The following MITD1 variants were observed in gnomAD, a reference collection of about 807,000 sequenced individuals.
MITD1 encodes microtubule interacting and trafficking domain containing 1.
A neutral mutation model predicts 34.9 loss-of-function variants in MITD1; 24 were observed. The observed-to-expected ratio is 0.69, with a 90% CI of 0.50 to 0.97. The LOEUF (loss-of-function observed/expected upper bound fraction) is 0.97. MITD1 is among the 50% of genes least tolerant of loss of function. The pLI is 0.00. For missense variants in MITD1, 266 were observed against 294.6 expected, an observed-to-expected ratio of 0.90 and a Z score of 0.71; for synonymous variants, 102 against 101.4, an observed-to-expected ratio of 1.01 and a Z score of -0.04.
Position 99,169,780 on chromosome 2 carries a change from A to G in MITD1, c.594-170T>C, listed in dbSNP as rs76857854. ...TTCATTATGAGCTGTGTCCACAATG[A>G]AAACAGTCATAGAAACAATCAGTTG... On this transcript the variant is annotated intron_variant, in intron 5 of 6. Transcript: ENST00000289359. Among the ~76,000 whole-genome samples the G allele has an allele frequency of 9.7e-3, 1,470 of 152,324 alleles. 15 individuals carry two copies. The highest frequency in any genetic ancestry group is 0.034 in the African/African-American group (1,396 of 41,570).
intron 7 of MITD1, chr2:99,162,860 C>G (rs2093807840): frequency 6.2e-7 from 1 of 1,612,584 alleles, no homozygotes; most frequent in Non-Finnish European, 8.5e-7. Flanking sequence ...TATTCATAGA[C>G]ATAAAGAATG....
In MITD1 at chr2:99,174,968, C is replaced by A. The variant is rs564966380; in HGVS notation, c.152-952G>T. Among the ~76,000 whole-genome samples, 26 of 152,266 alleles carry A rather than the reference C, an allele frequency of 1.7e-4. No homozygotes were observed. In the South Asian group the frequency reaches 3.1e-3, roughly 18 times the overall value. On this transcript the variant is annotated intron_variant, in intron 1 of 6. Transcript: ENST00000289359. ...CTCCGACTCCTGATCTCAGGTGATC[C>A]GCCCACCTCGGCCTCCCAAAGTGCT...
chr2:99,170,772 A>T (rs77543311), intron 4 of MITD1, 120 bp from the exon 5 acceptor site: 135 of 500,920 alleles, frequency 2.7e-4, no homozygotes, highest in African/African-American at 2.5e-3. Context: ...ACTAGTTTCA[A>T]TGTCTATTAT....
At chr2:99,162,470 G>C (rs751485213) in intron 7 of MITD1, 3 of 1,613,940 alleles carry the variant, frequency 1.9e-6, no homozygotes, top group South Asian at 1.1e-5. Context: ...AGATCGGCCG[G>C]ACTACTGCCT....
At chr2:99,173,347 C>A in intron 2 of MITD1, 1 of 375,990 alleles carries the variant, frequency 2.7e-6, no homozygotes, top group Non-Finnish European at 5.8e-6. Context: ...GTGGAAATGG[C>A]CATTTACAGA....
chr2:99,167,649 CT>C (rs1242977764), downstream of MITD1, among the ~76,000 whole-genome samples: 1 of 152,090 alleles, frequency 6.6e-6, no homozygotes, highest in East Asian at 1.9e-4. Flanking sequence ...ATGTTCTTAC[CT>C]TAATTAAGAG....
At position 99,181,057 on chromosome 2, in the gene MITD1, G is replaced by A. The variant is rs548808875; in HGVS notation, c.-76C>T. 2.0e-6 allele frequency: 3 copies of A among 1,517,308 alleles called. No individual in the cohort carries two copies. The highest frequency in any genetic ancestry group is 1.4e-5 in the African/African-American group (1 of 72,126). 94.0% of individuals were successfully genotyped at this position (1,517,308 alleles called of 1,614,324 possible). A position where few individuals can be genotyped will look rare whatever the true frequency, so the allele number is the denominator to read the frequency against. Reference sequence around the variant, plus strand: ...TGCTGCGCTTCCGGGAAGTGGTCATGTGATACCCAGGCGCCTGCGCTCTCT... The same window carrying A: ...TGCTGCGCTTCCGGGAAGTGGTCATATGATACCCAGGCGCCTGCGCTCTCT... On this transcript the variant is annotated 5_prime_UTR_variant, in exon 1 of 7. Coordinates refer to ENST00000289359, the MANE Select transcript of MITD1 (RefSeq NM_138798.3).
intron 7 of MITD1, chr2:99,162,857 A>G: frequency 6.2e-7 from 1 of 1,613,000 alleles, no homozygotes; most frequent in East Asian, 2.2e-5. Flanking sequence ...AAGTATTCAT[A>G]GACATAAAGA....
At chr2:99,178,838 C>A (rs1335734406) in intron 1 of MITD1, among the ~76,000 whole-genome samples, 1 of 152,228 alleles carries the variant, frequency 6.6e-6, no homozygotes, top group Non-Finnish European at 1.5e-5. Context: ...AGGCCATCCT[C>A]AATGTGATCC....
Position 99,169,374 on chromosome 2 carries a change from A to G in MITD1, c.*1T>C, listed in dbSNP as rs138442382. ...CATAATACAAATTAGGCTACCACCC[A>G]TCATATATTTTTTGTATGCTTCTTA... is the stretch of plus-strand genomic sequence containing the variant. On this transcript the variant is annotated 3_prime_UTR_variant, in exon 7 of 7. Transcript: ENST00000289359. 1.7e-5 allele frequency: 25 copies of G among 1,446,784 alleles called. No homozygotes were observed. Among genetic ancestry groups the G allele is most frequent in the Admixed American group, 7.0e-5 (4 of 56,860 alleles). 89.6% of individuals were successfully genotyped at this position (1,446,784 alleles called of 1,614,324 possible).
At chr2:99,161,899 T>C (rs2093795985), downstream of MITD1, 2 of 1,393,826 alleles carry the variant, frequency 1.4e-6, no homozygotes. Flanking sequence ...AGTTAGAAAA[T>C]AGAATTTAAT....
At chr2:99,169,244 T>C (rs780849986), downstream of MITD1, 31 of 557,940 alleles carry the variant, frequency 5.6e-5, no homozygotes, top group Middle Eastern at 4.8e-4. Context: ...TTCCCACAAC[T>C]GAATGATGGA....
At chr2:99,173,416 G>T in intron 2 of MITD1, 1 of 460,576 alleles carries the variant, frequency 2.2e-6, no homozygotes, top group Middle Eastern at 3.3e-4. Context: ...ATACCTACCT[G>T]ACCTCTAATC....
At chr2:99,179,221 A>C (rs2093902186) in intron 1 of MITD1, among the ~76,000 whole-genome samples, 1 of 152,212 alleles carries the variant, frequency 6.6e-6, no homozygotes, top group Non-Finnish European at 1.5e-5. Flanking sequence ...TCAGATTCCT[A>C]GTGCAGCCAA....
At chr2:99,171,867 C>T (rs983187170) in intron 2 of MITD1, 20 of 484,880 alleles carry the variant, frequency 4.1e-5, no homozygotes, top group African/African-American at 3.5e-4. Context: ...TCTGCCTTCA[C>T]AGAGGCTAGG....
intron 1 of MITD1, among the ~76,000 whole-genome samples, chr2:99,178,091 T>TA (rs1319459502): frequency 6.6e-6 from 1 of 152,266 alleles, no homozygotes; most frequent in African/African-American, 2.4e-5. Flanking sequence ...CATCTGCTGA[T>TA]AGACACTTGG....
downstream of MITD1, among the ~76,000 whole-genome samples, chr2:99,167,946 A>G (rs1467938648): frequency 6.6e-6 from 1 of 152,166 alleles, no homozygotes; most frequent in Non-Finnish European, 1.5e-5. Context: ...CCACAAAAGG[A>G]AAACAGTGTC....
intron 1 of MITD1, among the ~76,000 whole-genome samples, chr2:99,174,777 G>T (rs1408982203): frequency 6.6e-6 from 1 of 152,176 alleles, no homozygotes; most frequent in Non-Finnish European, 1.5e-5. Context: ...TTTTAGTAGA[G>T]ACTGGGTTTC....
chr2:99,163,082 C>T, intron 7 of MITD1: 1 of 1,521,584 alleles, frequency 6.6e-7, no homozygotes, highest in South Asian at 1.3e-5. Context: ...TAATGTGATT[C>T]CAAGTAAATG....
Sources: gnomAD v4.1 joint callset for allele counts (sites outside exome capture counted in the v4.1 genomes callset) on GRCh38, gnomAD v4.1.1 for gene constraint, MANE v1.5 for transcripts, NCBI Gene and HGNC (gene_info 2026-07-23, HGNC 2026-07-21) for gene names.